The following MATCAP2 variants were observed in gnomAD, a reference collection of about 807,000 sequenced individuals.
MATCAP2 encodes the protein microtubule associated tyrosine carboxypeptidase 2, also known as putative tyrosine carboxypeptidase MATCAP2.
chr7:36,384,944 A>G, the MATCAP2 span, among the ~76,000 whole-genome samples: 2 of 152,186 alleles, frequency 1.3e-5, no homozygotes, highest in East Asian at 1.9e-4. Flanking sequence ...CAGATCATGC[A>G]TGGCCTTGTA....
chr7:36,379,011 G>C, the MATCAP2 span, among the ~76,000 whole-genome samples: 3 of 152,198 alleles, frequency 2.0e-5, no homozygotes, highest in Middle Eastern at 3.2e-3. Flanking sequence ...TGTCACAGCT[G>C]CCCTTGGCTA....
At chr7:36,326,406 T>C in the MATCAP2 span, 2 of 159,990 alleles carry the variant, frequency 1.3e-5, no homozygotes, top group Non-Finnish European at 2.7e-5. Flanking sequence ...CAGTCTCCAG[T>C]TGGAGCTGAC....
At chr7:36,356,714 A>G in the MATCAP2 span, 1 of 612,174 alleles carries the variant, frequency 1.6e-6, no homozygotes, top group South Asian at 2.0e-5. Flanking sequence ...ATAAATTTTG[A>G]TGAATGCAAT....
At chr7:36,384,279 A>G in the MATCAP2 span, among the ~76,000 whole-genome samples, 1 of 151,946 alleles carries the variant, frequency 6.6e-6, no homozygotes, top group East Asian at 1.9e-4. Flanking sequence ...TCTACTTCAG[A>G]CTCTTGGTTC....
chr7:36,349,027 G>A, the MATCAP2 span, among the ~76,000 whole-genome samples: 7 of 152,242 alleles, frequency 4.6e-5, no homozygotes, highest in Admixed American at 4.6e-4. Flanking sequence ...ACAAGAAACT[G>A]AAGGATGGTA....
chr7:36,331,777 A>G, the MATCAP2 span, among the ~76,000 whole-genome samples: 1 of 152,204 alleles, frequency 6.6e-6, no homozygotes, highest in South Asian at 2.1e-4. Context: ...CCATCCTGAC[A>G]TAATTTGTGT....
chr7:36,371,872 T>C, the MATCAP2 span, among the ~76,000 whole-genome samples: 13,609 of 152,034 alleles, frequency 0.09, 749 homozygotes, highest in East Asian at 0.16. Flanking sequence ...GCCTTCCAAG[T>C]AGCTGGGACC....
At chr7:36,367,378 T>G in the MATCAP2 span, 27 of 981,632 alleles carry the variant, frequency 2.8e-5, no homozygotes, top group South Asian at 4.2e-4. Context: ...GGCCAGTGCC[T>G]CCGGGGCTTG....
At chr7:36,388,398 C>T in the MATCAP2 span, among the ~76,000 whole-genome samples, 8 of 152,032 alleles carry the variant, frequency 5.3e-5, no homozygotes, top group South Asian at 4.2e-4. Flanking sequence ...ATTTCAGTCA[C>T]GTACAATTTA....
the MATCAP2 span, among the ~76,000 whole-genome samples, chr7:36,366,359 A>G: frequency 1.3e-5 from 2 of 152,178 alleles, no homozygotes; most frequent in Non-Finnish European, 2.9e-5. Flanking sequence ...ATGCAGGTAA[A>G]CTTCCAGACT....
chr7:36,362,779 C>G, the MATCAP2 span, among the ~76,000 whole-genome samples: 1 of 152,196 alleles, frequency 6.6e-6, no homozygotes. Flanking sequence ...CCTTCTATCC[C>G]TCTCTTTGTT....
the MATCAP2 span, among the ~76,000 whole-genome samples, chr7:36,384,741 G>C: frequency 6.6e-6 from 1 of 152,054 alleles, no homozygotes; most frequent in South Asian, 2.1e-4. Flanking sequence ...CCCAAATAAC[G>C]AGGAGCAGAC....
At chr7:36,356,790 T>A in the MATCAP2 span, 8 of 937,138 alleles carry the variant, frequency 8.5e-6, no homozygotes, top group Non-Finnish European at 1.2e-5. Flanking sequence ...GAATTAACCA[T>A]AACATAGAAA....
At chr7:36,379,845 CACAGAGAG>C in the MATCAP2 span, among the ~76,000 whole-genome samples, 6 of 125,310 alleles carry the variant, frequency 4.8e-5, no homozygotes, top group African/African-American at 1.4e-4. Context: ...CACACACACA[CACAGAGAG>C]AGAGAGAGAG....
chr7:36,389,093 A>G, the MATCAP2 span, among the ~76,000 whole-genome samples: 1 of 152,072 alleles, frequency 6.6e-6, no homozygotes, highest in Non-Finnish European at 1.5e-5. Context: ...CTGGCTCTGT[A>G]GCCCAGGCTG....
the MATCAP2 span, among the ~76,000 whole-genome samples, chr7:36,376,068 G>GT: frequency 6.6e-6 from 1 of 151,976 alleles, no homozygotes; most frequent in African/African-American, 2.4e-5. Flanking sequence ...TTTTTGAAGG[G>GT]TTTTTTGTGT....
At chr7:36,356,553 C>T in the MATCAP2 span, 1 of 403,266 alleles carries the variant, frequency 2.5e-6, no homozygotes, top group Middle Eastern at 7.0e-4. Flanking sequence ...AATTAGAAAA[C>T]AAAAACGTAG....
At chr7:36,383,994 T>A in the MATCAP2 span, 3 of 679,286 alleles carry the variant, frequency 4.4e-6, no homozygotes, top group Non-Finnish European at 6.6e-6. Flanking sequence ...AGTCTAAAAA[T>A]TTTAAAATTA....
At chr7:36,368,299 T>A in the MATCAP2 span, 1 of 152,194 alleles carries the variant, frequency 6.6e-6, no homozygotes, top group East Asian at 1.9e-4. Context: ...AATTGGGGTG[T>A]GTTTTCAAAC....
Sources: allele counts gnomAD v4.1 joint callset (sites outside exome capture counted in the v4.1 genomes callset), GRCh38; gene constraint gnomAD v4.1.1; transcripts MANE v1.5; gene names NCBI Gene and HGNC (gene_info 2026-07-23, HGNC 2026-07-21).